The following MBNL2 variants were observed in gnomAD, a reference collection of about 807,000 sequenced individuals.
MBNL2 encodes the protein muscleblind-like protein 2.
MBNL2 carries 17 observed loss-of-function variants against 41.9 expected under a neutral mutation model. The observed-to-expected ratio is 0.41, with a 90% CI of 0.28 to 0.61. The LOEUF (loss-of-function observed/expected upper bound fraction) is 0.61. Ranked by LOEUF, MBNL2 falls within the 20% of genes least tolerant of loss-of-function variation. The pLI, the probability that MBNL2 is intolerant of heterozygous loss-of-function variation, is 0.35. For synonymous variants in MBNL2, 195 were observed against 182.9 expected, an observed-to-expected ratio of 1.07 and a Z score of -0.53; for missense variants, 336 against 505.6, an observed-to-expected ratio of 0.66 and a Z score of 3.22.
chr13:97,181,069 C>A, the MBNL2 span, among the ~76,000 whole-genome samples: 1 of 151,454 alleles, frequency 6.6e-6, no homozygotes, highest in African/African-American at 2.4e-5. Flanking sequence ...GCATCTTCAA[C>A]TCAATCTCTC....
At position 97,393,929 on chromosome 13, in the gene MBNL2, C is replaced by T. The variant is rs558693939; in HGVS notation, c.*2480C>T. 4.6e-5 allele frequency: 7 copies of T among 152,596 alleles called. No individual in the cohort carries two copies. The highest frequency in any genetic ancestry group is 3.4e-3 in the Middle Eastern group (1 of 294). The allele number at this position is 152,596 out of a possible 1,614,324, so 9.5% of individuals were successfully genotyped here. On this transcript the variant is annotated 3_prime_UTR_variant, in exon 9 of 9. Transcript: ENST00000679496. ...TTTTCAGGATATAACAGCACTTCAC[C>T]GAAATATTCTTTCAGCCATACCACT...
At chr13:97,188,925 C>A in the MBNL2 span, among the ~76,000 whole-genome samples, 6 of 152,156 alleles carry the variant, frequency 3.9e-5, no homozygotes, top group African/African-American at 1.4e-4. Flanking sequence ...ACACCTTGAC[C>A]CACACAGACT....
chr13:97,309,381 G>A (rs1327217410), intron 2 of MBNL2, among the ~76,000 whole-genome samples: 1 of 152,194 alleles, frequency 6.6e-6, no homozygotes, highest in African/African-American at 2.4e-5. Flanking sequence ...AATTTAAAAT[G>A]AGGTCATCAG....
intron 2 of MBNL2, among the ~76,000 whole-genome samples, chr13:97,308,103 A>G (rs940211041): frequency 6.6e-6 from 1 of 152,236 alleles, no homozygotes; most frequent in African/African-American, 2.4e-5. Flanking sequence ...TTAAAATGTC[A>G]TGCAAAGAAC....
intron 2 of MBNL2, among the ~76,000 whole-genome samples, chr13:97,295,611 A>G (rs936362623): frequency 6.6e-6 from 1 of 152,148 alleles, no homozygotes. Context: ...CACCGTAGTA[A>G]TCTTTATCAA....
At chr13:97,192,995 A>G in the MBNL2 span, among the ~76,000 whole-genome samples, 1 of 152,238 alleles carries the variant, frequency 6.6e-6, no homozygotes, top group African/African-American at 2.4e-5. Context: ...TTTTGATGTG[A>G]TAGCTTTGTC....
At chr13:97,150,995 G>A in the MBNL2 span, among the ~76,000 whole-genome samples, 2 of 152,176 alleles carry the variant, frequency 1.3e-5, no homozygotes, top group Admixed American at 1.3e-4. Context: ...GGTCAATCTT[G>A]AAACTACTCA....
rs2892852 is a variant in MBNL2 at position 97,278,988 on chromosome 13, T to C, written c.174+2579T>C. On this transcript the variant is annotated intron_variant, in intron 2 of 8. Coordinates refer to ENST00000679496, the MANE Select transcript of MBNL2 (RefSeq NM_001382683.1). ...AAAAGGAGGATATTCAGCAGAGAAATTGGCTGAAGTAAGCACGGTCTGTAG... is the reference window on the plus strand; with the variant it reads ...AAAAGGAGGATATTCAGCAGAGAAACTGGCTGAAGTAAGCACGGTCTGTAG... Among the ~76,000 whole-genome samples the C allele has an allele frequency of 6.3e-3, 953 of 152,308 alleles. 8 individuals are homozygous for C. The highest frequency in any genetic ancestry group is 0.022 in the African/African-American group (906 of 41,550).
chr13:97,368,992 A>C (rs1005824970), intron 8 of MBNL2, among the ~76,000 whole-genome samples: 9 of 144,974 alleles, frequency 6.2e-5, no homozygotes, highest in Admixed American at 6.1e-4. Context: ...GCTGGATTGC[A>C]CTTAAATGAT....
chr13:97,329,555 CT>C (rs755479676), intron 2 of MBNL2, among the ~76,000 whole-genome samples: 1 of 150,368 alleles, frequency 6.7e-6, no homozygotes, highest in Non-Finnish European at 1.5e-5. Flanking sequence ...GTGCCTGCCC[CT>C]AGATGGGACA....
intron 5 of MBNL2, among the ~76,000 whole-genome samples, chr13:97,348,649 C>CA (rs2062126579): frequency 6.6e-6 from 1 of 152,174 alleles, no homozygotes; most frequent in Admixed American, 6.5e-5. Flanking sequence ...TCCTCAGTGA[C>CA]ATGATAGAAA....
chr13:97,157,321 A>G, the MBNL2 span, among the ~76,000 whole-genome samples: 5 of 148,482 alleles, frequency 3.4e-5, no homozygotes, highest in East Asian at 2.0e-4. Flanking sequence ...TTCTAGATAT[A>G]CAATCATGTC....
At position 97,346,953 on chromosome 13, in the gene MBNL2, A is replaced by G. The variant is rs766396400; in HGVS notation, c.690A>G (p.Lys230=). 12 of 1,613,954 alleles carry G rather than the reference A, an allele frequency of 7.4e-6. No homozygotes were observed. The highest frequency in any genetic ancestry group is 1.6e-4 in the Middle Eastern group (1 of 6,082). Residue 230 remains lysine (K), a synonymous_variant, in exon 5 of 9, where the codon AAA becomes AAG. Coordinates refer to ENST00000679496, the MANE Select transcript of MBNL2 (RefSeq NM_001382683.1). The surrounding 1 kb of genome is among the most constrained non-coding windows in gnomAD (Gnocchi z 4.2). ...TAAAGGGGCGTTGCATGAGGGAGAA[A>G]TGCAAATATTTTCACCCTCCTGCAC... ...DYIKGRCMRE[K]CKYFHPPAHL... is the part of the protein sequence containing the mutation.
chr13:97,206,441 G>C, the MBNL2 span, among the ~76,000 whole-genome samples: 2 of 152,156 alleles, frequency 1.3e-5, no homozygotes, highest in South Asian at 2.1e-4. Flanking sequence ...TAGCTCCTGA[G>C]TGTTGATAAT....
At chr13:97,151,242 C>T in the MBNL2 span, among the ~76,000 whole-genome samples, 1 of 152,060 alleles carries the variant, frequency 6.6e-6, no homozygotes, top group Non-Finnish European at 1.5e-5. Flanking sequence ...CTTTTCAAAG[C>T]GGGGGTGAAA....
chr13:97,242,271 C>A, intron 1 of MBNL2, among the ~76,000 whole-genome samples: 1 of 152,126 alleles, frequency 6.6e-6, no homozygotes, highest in South Asian at 2.1e-4. Context: ...GGAGCGGGCA[C>A]GTGGCTCAAA....
intron 3 of MBNL2, among the ~76,000 whole-genome samples, chr13:97,335,452 G>A (rs959225293): frequency 6.6e-6 from 1 of 152,080 alleles, no homozygotes; most frequent in African/African-American, 2.4e-5. Context: ...TTTTCTTGTT[G>A]TGTTCCCTGT....
At chr13:97,193,830 G>A in the MBNL2 span, among the ~76,000 whole-genome samples, 5 of 152,184 alleles carry the variant, frequency 3.3e-5, no homozygotes, top group East Asian at 5.8e-4. Context: ...TGTCTTTCTC[G>A]AGCATCTTCA....
chr13:97,316,418 C>A (rs888758405), intron 2 of MBNL2, among the ~76,000 whole-genome samples: 3 of 152,236 alleles, frequency 2.0e-5, no homozygotes, highest in African/African-American at 4.8e-5. Context: ...CACATCACTC[C>A]TCCCCTCAAA....
Sources: allele counts gnomAD v4.1 joint callset (sites outside exome capture counted in the v4.1 genomes callset), GRCh38; gene constraint gnomAD v4.1.1; non-coding constraint Gnocchi (gnomAD v3.1); transcripts MANE v1.5; gene names NCBI Gene and HGNC (gene_info 2026-07-23, HGNC 2026-07-21).